Variants in RIOK3 observed in about 807,000 individuals in gnomAD.
RIOK3 encodes the protein serine/threonine-protein kinase RIO3.
RIOK3 carries 40 observed loss-of-function variants against 63.5 expected under a neutral mutation model. The ratio of observed to expected loss-of-function variants is 0.63; its 90% CI spans 0.49 to 0.82. The LOEUF (loss-of-function observed/expected upper bound fraction) is 0.82, where lower values mean the gene tolerates loss of function less well. RIOK3 is among the 40% of genes least tolerant of loss of function. The probability of loss-of-function intolerance (pLI) is 0.00; values close to 1 mark genes in which losing one functional copy is unlikely to be tolerated. For synonymous variants in RIOK3, 193 were observed against 205.0 expected (o/e 0.94, Z 0.50); for missense variants, 557 against 637.0 (o/e 0.87, Z 1.35).
chr18:23,457,012 A>G (rs958249285), intron 1 of RIOK3, among the ~76,000 whole-genome samples: 1 of 152,236 alleles, frequency 6.6e-6, no homozygotes, highest in Non-Finnish European at 1.5e-5. Flanking sequence ...CACACATTCC[A>G]TTGGCCATCA....
chr18:23,463,888 G>C lies in RIOK3; in HGVS notation c.180-79G>C. The C allele has an allele frequency of 3.4e-6, 4 of 1,193,600 alleles. No homozygotes were observed. The South Asian group carries it at 6.0e-5, about 18-fold the overall frequency. 73.9% of individuals were successfully genotyped at this position (1,193,600 alleles called of 1,614,324 possible). Reference sequence around the variant, plus strand: ...ATTGTTCAATTTTAACATGGAAAAGGCACCTCCTACTCTCATAATTGGCAA... The same window carrying C: ...ATTGTTCAATTTTAACATGGAAAAGCCACCTCCTACTCTCATAATTGGCAA... On this transcript the variant is annotated intron_variant, in intron 2 of 12. Coordinates refer to ENST00000339486, the MANE Select transcript of RIOK3 (RefSeq NM_003831.5).
intron 1 of RIOK3, among the ~76,000 whole-genome samples, chr18:23,462,113 T>TAA (rs78192891): frequency 7.4e-6 from 1 of 135,658 alleles, no homozygotes; most frequent in East Asian, 2.2e-4. Context: ...AAATAAAATT[T>TAA]AAAAAAAAAT....
At chr18:23,455,387 T>C (rs1344496947) in intron 1 of RIOK3, among the ~76,000 whole-genome samples, 1 of 142,238 alleles carries the variant, frequency 7.0e-6, no homozygotes, top group East Asian at 2.0e-4. Context: ...TCTTTTTTTT[T>C]TTTTCTTTTT....
chr18:23,477,766 CAAAAAA>C (rs538290499), intron 11 of RIOK3, among the ~76,000 whole-genome samples: 1 of 69,174 alleles, frequency 1.4e-5, no homozygotes, highest in African/African-American at 5.2e-5. Flanking sequence ...GGCTCCGTCT[CAAAAAA>C]AAAAAAAAAA....
chr18:23,458,279 C>T (rs1041584079), intron 1 of RIOK3, among the ~76,000 whole-genome samples: 4 of 151,824 alleles, frequency 2.6e-5, no homozygotes, highest in East Asian at 1.9e-4. Flanking sequence ...ATACAAGCAG[C>T]GAAGGTCATA....
intron 5 of RIOK3, among the ~76,000 whole-genome samples, 170 bp downstream of exon 5, chr18:23,464,798 T>C (rs2057395466): frequency 6.6e-6 from 1 of 152,192 alleles, no homozygotes; most frequent in African/African-American, 2.4e-5. Context: ...AATGAAAATA[T>C]AAAGTACCTC....
chr18:23,462,998 G>A lies in RIOK3; in HGVS notation c.98G>A (p.Cys33Tyr), dbSNP rs1410856569. 1 of 1,603,104 alleles carries A rather than the reference G, an allele frequency of 6.2e-7. No individual in the cohort carries two copies. ...PWAIPQNTIS[C>Y]SLADVMSEQL... ...GCTATTCCTCAAAATACAATATCTT[G>A]TTCTTTGGCTGATGTAATGAGTGAA... The change falls in exon 2 of 13, where the codon TGT becomes TAT. Residue 33 changes from cysteine to tyrosine, a missense_variant. Coordinates refer to ENST00000339486, the MANE Select transcript of RIOK3 (RefSeq NM_003831.5).
At chr18:23,478,626 T>TATATATAA (rs2057510040) in intron 11 of RIOK3, among the ~76,000 whole-genome samples, 1 of 4,856 alleles carries the variant, frequency 2.1e-4, no homozygotes, top group Non-Finnish European at 1.0e-3. Flanking sequence ...TATATATATA[T>TATATATAA]ATATATATAT....
At chr18:23,478,072 CAAAA>C (rs537701761) in intron 11 of RIOK3, among the ~76,000 whole-genome samples, 5 of 84,880 alleles carry the variant, frequency 5.9e-5, no homozygotes, top group Non-Finnish European at 7.5e-5. Context: ...ACTCCTTCTC[CAAAA>C]AAAAAAAAAA....
chr18:23,456,822 G>A (rs1360815499), intron 1 of RIOK3, among the ~76,000 whole-genome samples: 2 of 152,116 alleles, frequency 1.3e-5, no homozygotes, highest in Non-Finnish European at 2.9e-5. Context: ...CCTGTTGTAA[G>A]GTTGAAGTAT....
chr18:23,477,824 C>G (rs562998708), intron 11 of RIOK3, among the ~76,000 whole-genome samples: 62 of 150,192 alleles, frequency 4.1e-4, no homozygotes, highest in Non-Finnish European at 7.4e-4. Context: ...AATCCCAGCA[C>G]TTTGGGAGGC....
rs546894769 is a variant in RIOK3 at position 23,482,711 on chromosome 18, A to G, written c.*1432A>G. 6.6e-6 allele frequency: 1 copy of G among 152,318 alleles called. No homozygotes were observed. The highest frequency in any genetic ancestry group is 2.1e-4 in the South Asian group (1 of 4,826). 9.4% of individuals were successfully genotyped at this position (152,318 alleles called of 1,614,324 possible). A position where few individuals can be genotyped will look rare whatever the true frequency, so the allele number is the denominator to read the frequency against. The stretch of plus-strand genomic sequence containing the variant: ...TCATGCCTCCTATTACTGAAGTCAG[A>G]TTGGAACCACTAAAGATCCAAACTT... On this transcript the variant is annotated 3_prime_UTR_variant, in exon 13 of 13. Transcript: ENST00000339486.
At position 23,481,369 on chromosome 18, in the gene RIOK3, C is replaced by A; in HGVS notation, c.*90C>A. ...TTATGGGTGACTTGAAATACCAAAA[C>A]CTGAGGAGTGGGCAATGGTGCTTCT... On this transcript the variant is annotated 3_prime_UTR_variant, in exon 13 of 13. Transcript: ENST00000339486. The A allele has an allele frequency of 1.3e-6, 1 of 774,512 alleles. No homozygotes were observed. The highest frequency in any genetic ancestry group is 2.1e-6 in the Non-Finnish European group (1 of 482,746). 48.0% of individuals were successfully genotyped at this position (774,512 alleles called of 1,614,324 possible). A position where few individuals can be genotyped will look rare whatever the true frequency, so the allele number is the denominator to read the frequency against.
intron 7 of RIOK3, among the ~76,000 whole-genome samples, chr18:23,469,765 C>T (rs949977003): frequency 3.3e-5 from 5 of 152,036 alleles, no homozygotes; most frequent in Non-Finnish European, 5.9e-5. Flanking sequence ...GGATTACAGG[C>T]GTGGGCCACT....
chr18:23,476,834 C>T (rs1332106342), intron 9 of RIOK3, among the ~76,000 whole-genome samples, 172 bp from the exon 10 acceptor site: 2 of 152,100 alleles, frequency 1.3e-5, no homozygotes, highest in East Asian at 3.9e-4. Flanking sequence ...ATGGTGTGAA[C>T]CAGGGAGGCG....
chr18:23,455,957 C>T (rs2057338082), intron 1 of RIOK3, among the ~76,000 whole-genome samples: 1 of 152,086 alleles, frequency 6.6e-6, no homozygotes, highest in Admixed American at 6.5e-5. Flanking sequence ...GCCACCATGC[C>T]CAGCTAATTT....
At chr18:23,459,919 C>T (rs2057363778) in intron 1 of RIOK3, among the ~76,000 whole-genome samples, 1 of 152,178 alleles carries the variant, frequency 6.6e-6, no homozygotes, top group African/African-American at 2.4e-5. Flanking sequence ...GTCTCGAACT[C>T]CTGACCTCAG....
chr18:23,482,390 A>T lies in RIOK3; in HGVS notation c.*1111A>T, dbSNP rs1051124804. 1.3e-5 allele frequency: 2 copies of T among 152,178 alleles called. No homozygotes were observed. Among genetic ancestry groups the T allele is most frequent in the African/African-American group, 4.8e-5 (2 of 41,390 alleles). The allele number at this position is 152,178 out of a possible 1,614,324, so 9.4% of individuals were successfully genotyped here. A position where few individuals can be genotyped will look rare whatever the true frequency, so the allele number is the denominator to read the frequency against. On this transcript the variant is annotated 3_prime_UTR_variant, in exon 13 of 13. Coordinates refer to ENST00000339486, the MANE Select transcript of RIOK3 (RefSeq NM_003831.5). The stretch of plus-strand genomic sequence containing the variant: ...CCGGGTGTGGTGGCACTTCTCTGTA[A>T]TCTCAGCTTCTCAGGAGGCTGAGAC...
At chr18:23,478,434 G>T (rs2057508137) in intron 11 of RIOK3, among the ~76,000 whole-genome samples, 1 of 151,842 alleles carries the variant, frequency 6.6e-6, no homozygotes, top group Admixed American at 6.6e-5. Flanking sequence ...GCTGGGTGTG[G>T]TGGAACATGT....
Sources: gnomAD v4.1 joint callset for allele counts (sites outside exome capture counted in the v4.1 genomes callset) on GRCh38, gnomAD v4.1.1 for gene constraint, MANE v1.5 for transcripts, NCBI Gene and HGNC (gene_info 2026-07-23, HGNC 2026-07-21) for gene names.